ULK4: variants seen among roughly 807,000 people sequenced by gnomAD.
The protein encoded by ULK4 is inactive serine/threonine-protein kinase ULK4.
In ULK4, 133 loss-of-function variants were observed where a neutral mutation model predicts 160.6. That is an observed-to-expected ratio of 0.83 (90% CI 0.72 to 0.96). The LOEUF (loss-of-function observed/expected upper bound fraction) is 0.96. ULK4 is among the 40% of genes least tolerant of loss of function. ULK4 has a pLI of 0.00. For missense variants in ULK4, 1,580 were observed against 1,499.5 expected, an observed-to-expected ratio of 1.05 and a Z score of -0.89; for synonymous variants, 534 against 539.8, an observed-to-expected ratio of 0.99 and a Z score of 0.15.
chr3:41,439,550 A>G (rs2083115524), intron 34 of ULK4, among the ~76,000 whole-genome samples: 2 of 152,242 alleles, frequency 1.3e-5, no homozygotes, highest in African/African-American at 2.4e-5. Context: ...AGTACAAAGT[A>G]TACAACAATC....
chr3:41,848,742 C>T (rs2042130549), intron 17 of ULK4, among the ~76,000 whole-genome samples: 1 of 152,160 alleles, frequency 6.6e-6, no homozygotes, highest in Admixed American at 6.5e-5. Flanking sequence ...GCTGCCAGGT[C>T]CAGCTGCCAG....
At chr3:41,373,705 C>G (rs974581076) in intron 35 of ULK4, among the ~76,000 whole-genome samples, 2 of 152,028 alleles carry the variant, frequency 1.3e-5, no homozygotes, top group Non-Finnish European at 2.9e-5. Context: ...AAATTGACAA[C>G]CTAACATCAC....
intron 17 of ULK4, among the ~76,000 whole-genome samples, chr3:41,851,357 C>A (rs1409274482): frequency 6.6e-6 from 1 of 151,982 alleles, no homozygotes; most frequent in East Asian, 1.9e-4. Flanking sequence ...GTCTTTGGTT[C>A]TGTTTATATG....
chr3:41,664,726 C>A (rs1278463212), intron 29 of ULK4, among the ~76,000 whole-genome samples: 3 of 152,078 alleles, frequency 2.0e-5, no homozygotes, highest in African/African-American at 7.2e-5. Flanking sequence ...ATTTTGTTTA[C>A]AAAATTTTTG....
chr3:41,804,436 T>G (rs1300871567), intron 19 of ULK4, among the ~76,000 whole-genome samples: 1 of 151,896 alleles, frequency 6.6e-6, no homozygotes, highest in African/African-American at 2.4e-5. Context: ...GTAGGTTGCC[T>G]GTTCACTCTG....
At chr3:41,799,877 T>TA (rs1160794878) in intron 20 of ULK4, among the ~76,000 whole-genome samples, 1 of 152,012 alleles carries the variant, frequency 6.6e-6, no homozygotes, top group Non-Finnish European at 1.5e-5. Flanking sequence ...TAAATAAACT[T>TA]ATTAATTAGT....
At chr3:41,902,415 T>C (rs1559639269) in intron 12 of ULK4, among the ~76,000 whole-genome samples, 1 of 151,792 alleles carries the variant, frequency 6.6e-6, no homozygotes, top group Non-Finnish European at 1.5e-5. Flanking sequence ...CCATCTCTAC[T>C]AAAAATACAA....
At position 41,566,019 on chromosome 3, in the gene ULK4, A is replaced by G; in HGVS notation, c.3226+6T>C. 1.9e-6 allele frequency: 3 copies of G among 1,610,666 alleles called. No individual in the cohort carries two copies. The South Asian group carries it at 3.3e-5, about 18-fold the overall frequency. Reference sequence around the variant, plus strand: ...TGATCAGAGAGTAATTCTATGAGGCATTTACCTTGTTCATAAAGTAGTTCC... The same window carrying G: ...TGATCAGAGAGTAATTCTATGAGGCGTTTACCTTGTTCATAAAGTAGTTCC... On this transcript the variant is annotated splice_donor_region_variant and intron_variant, in intron 32 of 36. Transcript: ENST00000301831.
At chr3:41,925,950 A>G (rs971973585) in intron 5 of ULK4, among the ~76,000 whole-genome samples, 4 of 152,220 alleles carry the variant, frequency 2.6e-5, no homozygotes, top group Admixed American at 2.0e-4. Flanking sequence ...TCCCTGCCTG[A>G]TGGCTCTGAA....
At chr3:41,633,557 T>C (rs1262723687) in intron 30 of ULK4, among the ~76,000 whole-genome samples, 1 of 152,108 alleles carries the variant, frequency 6.6e-6, no homozygotes, top group Admixed American at 6.5e-5. Flanking sequence ...AGGGTAAGAT[T>C]AAGTAAAGCA....
chr3:41,454,184 A>T (rs2083486695), intron 34 of ULK4, among the ~76,000 whole-genome samples: 1 of 150,758 alleles, frequency 6.6e-6, no homozygotes, highest in African/African-American at 2.4e-5. Context: ...AATTAAAAAA[A>T]AAAAAAGAAA....
intron 34 of ULK4, among the ~76,000 whole-genome samples, chr3:41,451,158 T>C (rs2083416575): frequency 6.6e-6 from 1 of 152,068 alleles, no homozygotes; most frequent in Non-Finnish European, 1.5e-5. Context: ...GTGGATAGTA[T>C]TCAAGGAAAC....
chr3:41,576,397 T>G (rs752068985), intron 31 of ULK4, among the ~76,000 whole-genome samples: 4 of 152,174 alleles, frequency 2.6e-5, no homozygotes, highest in Admixed American at 1.3e-4. Context: ...CAATGCTGAG[T>G]GCCTTGAGGG....
At chr3:41,558,887 T>A (rs1417657152) in intron 32 of ULK4, among the ~76,000 whole-genome samples, 1 of 151,152 alleles carries the variant, frequency 6.6e-6, no homozygotes, top group Non-Finnish European at 1.5e-5. Flanking sequence ...TTTATTTATT[T>A]TATTACACTT....
chr3:41,626,529 CTTT>C (rs767066822), intron 30 of ULK4, among the ~76,000 whole-genome samples: 7 of 134,994 alleles, frequency 5.2e-5, no homozygotes, highest in Non-Finnish European at 8.0e-5. Flanking sequence ...AAGTACATTG[CTTT>C]TTTTTTTTTT....
intron 30 of ULK4, among the ~76,000 whole-genome samples, chr3:41,649,051 C>T (rs1309340090): frequency 2.0e-5 from 3 of 151,960 alleles, no homozygotes; most frequent in African/African-American, 7.2e-5. Flanking sequence ...TTGTTTGAGC[C>T]CAGGATGCAG....
intron 35 of ULK4, among the ~76,000 whole-genome samples, chr3:41,306,413 G>A (rs1273465938): frequency 4.9e-5 from 7 of 142,706 alleles, no homozygotes; most frequent in Non-Finnish European, 1.1e-4. Context: ...CTGCCCGGCC[G>A]CCCCTACTGG....
At position 41,898,300 on chromosome 3, in the gene ULK4, C is replaced by A. The variant is rs1698238232; in HGVS notation, c.1348+132G>T. 6.8e-6 allele frequency: 4 copies of A among 591,836 alleles called. No homozygotes were observed. In the Admixed American group the frequency reaches 1.3e-4, roughly 19 times the overall value. The allele number at this position is 591,836 out of a possible 1,614,324, so 36.7% of individuals were successfully genotyped here. On this transcript the variant is annotated intron_variant, in intron 14 of 36. Transcript: ENST00000301831. ...ATTGTTTACAATTCGTGTAACACTG[C>A]CCCAAGAATATAGCCAATTGTCAAG... is the stretch of plus-strand genomic sequence containing the variant.
chr3:41,260,659 G>C (rs990702371), intron 35 of ULK4, among the ~76,000 whole-genome samples: 2 of 152,238 alleles, frequency 1.3e-5, no homozygotes, highest in African/African-American at 2.4e-5. Flanking sequence ...CCAAGGGTAA[G>C]GGGGTAACAG....
Sources: gnomAD v4.1 joint callset for allele counts (sites outside exome capture counted in the v4.1 genomes callset) on GRCh38, gnomAD v4.1.1 for gene constraint, MANE v1.5 for transcripts, NCBI Gene and HGNC (gene_info 2026-07-23, HGNC 2026-07-21) for gene names.